Variants in ABTB3 observed in about 807,000 individuals in gnomAD.
ABTB3 encodes ankyrin repeat- and BTB/POZ domain-containing protein 3.
At chr12:107,345,232 A>C in the ABTB3 span, among the ~76,000 whole-genome samples, 28 of 152,184 alleles carry the variant, frequency 1.8e-4, no homozygotes, top group African/African-American at 6.8e-4. Context: ...TGGGCAAAAA[A>C]AGAGTGATAA....
At chr12:107,350,281 G>C in the ABTB3 span, among the ~76,000 whole-genome samples, 1 of 152,182 alleles carries the variant, frequency 6.6e-6, no homozygotes, top group Non-Finnish European at 1.5e-5. Flanking sequence ...GCTGGGCGCA[G>C]TGGCTCACAC....
the ABTB3 span, among the ~76,000 whole-genome samples, chr12:107,384,037 C>A: frequency 6.6e-6 from 1 of 152,176 alleles, no homozygotes; most frequent in Admixed American, 6.5e-5. Context: ...GTGTGCTGAG[C>A]ATGCTGGGCT....
At chr12:107,589,581 G>A in the ABTB3 span, among the ~76,000 whole-genome samples, 2 of 152,234 alleles carry the variant, frequency 1.3e-5, no homozygotes, top group African/African-American at 4.8e-5. Flanking sequence ...CTCACTAATG[G>A]GAAAAGATAG....
At chr12:107,387,563 G>A in the ABTB3 span, among the ~76,000 whole-genome samples, 1 of 152,172 alleles carries the variant, frequency 6.6e-6, no homozygotes, top group Non-Finnish European at 1.5e-5. Context: ...ATATTGATAT[G>A]GTAACAAGTG....
chr12:107,508,438 C>CTTTTTTTTTTTTTTTGT, the ABTB3 span, among the ~76,000 whole-genome samples: 1 of 69,150 alleles, frequency 1.4e-5, no homozygotes, highest in Non-Finnish European at 2.7e-5. Context: ...AAGATCATTT[C>CTTTTTTTTTTTTTTTGT]TTTTTTTTTT....
At chr12:107,427,566 C>T in the ABTB3 span, among the ~76,000 whole-genome samples, 3 of 152,124 alleles carry the variant, frequency 2.0e-5, no homozygotes, top group South Asian at 2.1e-4. Flanking sequence ...CTTATAAGCA[C>T]GCTTGTGATT....
chr12:107,631,798 A>T, the ABTB3 span, among the ~76,000 whole-genome samples: 1 of 152,160 alleles, frequency 6.6e-6, no homozygotes, highest in Non-Finnish European at 1.5e-5. Flanking sequence ...AAGACACCTT[A>T]TCAAGGGCAC....
chr12:107,441,643 AG>A, the ABTB3 span, among the ~76,000 whole-genome samples: 2 of 152,002 alleles, frequency 1.3e-5, no homozygotes, highest in Non-Finnish European at 2.9e-5. Flanking sequence ...TAAAAAAAAA[AG>A]TTACCTGGGG....
At chr12:107,461,507 G>T in the ABTB3 span, among the ~76,000 whole-genome samples, 1 of 152,158 alleles carries the variant, frequency 6.6e-6, no homozygotes, top group African/African-American at 2.4e-5. Flanking sequence ...CCTCTGGAAG[G>T]AACTGGCCTT....
the ABTB3 span, among the ~76,000 whole-genome samples, chr12:107,402,770 T>C: frequency 1.3e-5 from 2 of 152,214 alleles, no homozygotes; most frequent in Non-Finnish European, 2.9e-5. Flanking sequence ...ACAGAATTCC[T>C]AACTAATGAC....
At chr12:107,454,993 T>G in the ABTB3 span, among the ~76,000 whole-genome samples, 3 of 152,200 alleles carry the variant, frequency 2.0e-5, no homozygotes, top group Admixed American at 2.0e-4. Flanking sequence ...AGAAGGAAAC[T>G]GAGGCTTAGC....
the ABTB3 span, among the ~76,000 whole-genome samples, chr12:107,537,922 C>T: frequency 1.3e-5 from 2 of 152,150 alleles, no homozygotes; most frequent in South Asian, 2.1e-4. Flanking sequence ...GCCTTGGCCT[C>T]CTGTGAGCCT....
the ABTB3 span, chr12:107,619,980 C>T: frequency 6.9e-6 from 11 of 1,601,696 alleles, no homozygotes; most frequent in African/African-American, 2.7e-5. Flanking sequence ...CCTCTCCCCG[C>T]TCCAGGCGTC....
At chr12:107,586,241 G>T in the ABTB3 span, among the ~76,000 whole-genome samples, 1 of 152,068 alleles carries the variant, frequency 6.6e-6, no homozygotes, top group Non-Finnish European at 1.5e-5. Flanking sequence ...AACTAGAGCT[G>T]CATCCGCACC....
the ABTB3 span, among the ~76,000 whole-genome samples, chr12:107,494,345 C>T: frequency 6.6e-6 from 1 of 152,152 alleles, no homozygotes; most frequent in Non-Finnish European, 1.5e-5. Context: ...GACAGAAGAG[C>T]CGGGACCTTC....
At chr12:107,451,634 C>T in the ABTB3 span, among the ~76,000 whole-genome samples, 13 of 152,080 alleles carry the variant, frequency 8.5e-5, no homozygotes, top group Non-Finnish European at 1.6e-4. Flanking sequence ...CTGCCTGGTT[C>T]CCCACCTGTG....
chr12:107,539,521 G>A, the ABTB3 span, among the ~76,000 whole-genome samples: 1 of 152,134 alleles, frequency 6.6e-6, no homozygotes, highest in South Asian at 2.1e-4. Flanking sequence ...ACCCCAAAGG[G>A]ACCCCAGGAA....
the ABTB3 span, among the ~76,000 whole-genome samples, chr12:107,433,351 A>AGG: frequency 6.6e-6 from 1 of 150,940 alleles, no homozygotes; most frequent in Non-Finnish European, 1.5e-5. Context: ...GGAGGAGGCA[A>AGG]GGGGGTTTGT....
the ABTB3 span, among the ~76,000 whole-genome samples, chr12:107,463,211 A>ATGG: frequency 2.7e-5 from 4 of 150,876 alleles, no homozygotes; most frequent in Non-Finnish European, 4.4e-5. Flanking sequence ...AGTGACAATG[A>ATGG]TGGTGGTGGT....
Sources: allele counts gnomAD v4.1 joint callset (sites outside exome capture counted in the v4.1 genomes callset), GRCh38; gene constraint gnomAD v4.1.1; transcripts MANE v1.5; gene names NCBI Gene and HGNC (gene_info 2026-07-23, HGNC 2026-07-21).